Variants in MEF2A observed in about 807,000 individuals in gnomAD.
MEF2A encodes myocyte enhancer factor 2A, also known as myocyte-specific enhancer factor 2A.
MEF2A carries 28 observed loss-of-function variants against 55.8 expected under a neutral mutation model. The ratio of observed to expected loss-of-function variants is 0.50; its 90% CI spans 0.37 to 0.69. The LOEUF is 0.69. Among genes scored for constraint, MEF2A ranks in the 30% least tolerant of loss-of-function variants. MEF2A has a pLI of 0.00. For synonymous variants in MEF2A, 239 were observed against 227.1 expected (o/e 1.05, Z -0.47); for missense variants, 528 against 626.2 (o/e 0.84, Z 1.67).
chr15:99,589,437 C>G (rs1425912412), intron 1 of MEF2A, among the ~76,000 whole-genome samples: 1 of 152,046 alleles, frequency 6.6e-6, no homozygotes, highest in East Asian at 1.9e-4. Context: ...ACCAGCCTAA[C>G]TAGAAGTTCT....
intron 1 of MEF2A, among the ~76,000 whole-genome samples, chr15:99,590,095 C>T (rs1342712125): frequency 6.6e-6 from 1 of 152,076 alleles, no homozygotes; most frequent in Non-Finnish European, 1.5e-5. Flanking sequence ...GTATTTAAAT[C>T]TCCAGCTGTA....
At chr15:99,666,586 TA>T (rs1442066245) in intron 4 of MEF2A, among the ~76,000 whole-genome samples, 1 of 146,784 alleles carries the variant, frequency 6.8e-6, no homozygotes, top group African/African-American at 2.5e-5. Flanking sequence ...AGTATAATAA[TA>T]ATAATAATAA....
At chr15:99,686,804 T>A (rs924555323) in intron 7 of MEF2A, among the ~76,000 whole-genome samples, 1 of 152,230 alleles carries the variant, frequency 6.6e-6, no homozygotes, top group Admixed American at 6.5e-5. Context: ...TTTTCTCAAA[T>A]ATGTTTTCCA....
intron 4 of MEF2A, among the ~76,000 whole-genome samples, chr15:99,665,653 C>G (rs900590774): frequency 7.5e-6 from 1 of 133,084 alleles, no homozygotes; most frequent in African/African-American, 2.9e-5. Flanking sequence ...AGGCAGCCTA[C>G]AGAATGGGAG....
intron 3 of MEF2A, among the ~76,000 whole-genome samples, chr15:99,636,768 A>G (rs2043929558): frequency 6.6e-6 from 1 of 152,168 alleles, no homozygotes; most frequent in Non-Finnish European, 1.5e-5. Flanking sequence ...ATAAGGCCAT[A>G]AAGATATTCT....
chr15:99,606,103 T>C (rs1975014145), intron 2 of MEF2A, among the ~76,000 whole-genome samples: 1 of 152,146 alleles, frequency 6.6e-6, no homozygotes, highest in South Asian at 2.1e-4. Flanking sequence ...TGGAAAAGGG[T>C]TCACATGTAC....
intron 2 of MEF2A, among the ~76,000 whole-genome samples, chr15:99,615,667 A>C (rs2040064047): frequency 6.6e-6 from 1 of 152,136 alleles, no homozygotes; most frequent in African/African-American, 2.4e-5. Flanking sequence ...CATGCTGCAG[A>C]CCCTGTCCTG....
chr15:99,666,151 G>A (rs549011634), intron 4 of MEF2A, among the ~76,000 whole-genome samples: 37 of 152,074 alleles, frequency 2.4e-4, no homozygotes, highest in East Asian at 5.8e-4. Flanking sequence ...CGTTTACTGC[G>A]GCACTGTTCA....
At chr15:99,652,564 G>A (rs987365270) in intron 4 of MEF2A, among the ~76,000 whole-genome samples, 6 of 152,192 alleles carry the variant, frequency 3.9e-5, no homozygotes, top group African/African-American at 9.7e-5. Context: ...GTTAGTGTAC[G>A]AAGTTGAAAT....
At chr15:99,640,795 C>G (rs2044752261) in intron 3 of MEF2A, among the ~76,000 whole-genome samples, 1 of 152,084 alleles carries the variant, frequency 6.6e-6, no homozygotes, top group African/African-American at 2.4e-5. Context: ...GTGATCCTCC[C>G]ACCTGGCCCT....
chr15:99,702,595 T>G (rs796844548), intron 8 of MEF2A, among the ~76,000 whole-genome samples: 23 of 152,192 alleles, frequency 1.5e-4, no homozygotes, highest in African/African-American at 5.3e-4. Flanking sequence ...ACCTGGCTAA[T>G]TTTTGTAGTT....
In MEF2A at chr15:99,715,769, A is replaced by G. The variant is rs2059090761; in HGVS notation, c.*2998A>G. On this transcript the variant is annotated 3_prime_UTR_variant, in exon 12 of 12. Coordinates refer to ENST00000557942, the MANE Select transcript of MEF2A (RefSeq NM_001319206.4). ...AAGCTTAAATTGCACTGGTTAAAGTACAGTTTCCAACAGCTGTCCTTCCTC... is the reference window on the plus strand; with the variant it reads ...AAGCTTAAATTGCACTGGTTAAAGTGCAGTTTCCAACAGCTGTCCTTCCTC... 1 of 152,252 alleles carries G rather than the reference A, an allele frequency of 6.6e-6. No homozygotes were observed. The highest frequency in any genetic ancestry group is 2.1e-4 in the South Asian group (1 of 4,836). The allele number at this position is 152,252 out of a possible 1,614,324, so 9.4% of individuals were successfully genotyped here.
intron 2 of MEF2A, among the ~76,000 whole-genome samples, chr15:99,606,075 C>T (rs751891456): frequency 9.2e-5 from 14 of 152,052 alleles, no homozygotes; most frequent in Non-Finnish European, 2.1e-4. Context: ...CAAGGATAAA[C>T]AAAAGAAATT....
chr15:99,665,731 C>CAAAAAAAAAAAAAAAAAAAAAAAAAA (rs752473261), intron 4 of MEF2A, among the ~76,000 whole-genome samples: 25 of 20,236 alleles, frequency 1.2e-3, no homozygotes, highest in East Asian at 3.4e-3. Context: ...CTTAAATTTA[C>CAAAAAAAAAAAAAAAAAAAAAAAAAA]AAAAAAAAAA....
chr15:99,710,751 G>A lies in MEF2A; in HGVS notation c.1127G>A (p.Ser376Asn), dbSNP rs766002593. ...QQHHLGQAAL[S>N]SLVAGGQLSQ... ...CACCACCTAGGACAAGCAGCCCTCA[G>A]CTCTCTTGTGTGAGTAACTAGAAGT... is the stretch of plus-strand genomic sequence containing the variant. The change falls in exon 11 of 12, where the codon AGC becomes AAC. Residue 376 changes from serine (S) to asparagine (N), a missense_variant. By Grantham distance (46) the Ser-to-Asn change is conservative. Coordinates refer to ENST00000557942, the MANE Select transcript of MEF2A (RefSeq NM_001319206.4). The A allele has an allele frequency of 7.6e-5, 121 of 1,602,498 alleles. No homozygotes were observed. The highest frequency in any genetic ancestry group is 1.0e-4 in the Non-Finnish European group (121 of 1,170,236).
At chr15:99,606,823 A>G (rs377296634) in intron 2 of MEF2A, among the ~76,000 whole-genome samples, 4 of 152,170 alleles carry the variant, frequency 2.6e-5, no homozygotes, top group African/African-American at 9.7e-5. Flanking sequence ...ATTTCTTTTC[A>G]TGGGTATACA....
chr15:99,646,375 C>A (rs1223468223), intron 4 of MEF2A, among the ~76,000 whole-genome samples: 1 of 152,074 alleles, frequency 6.6e-6, no homozygotes, highest in African/African-American at 2.4e-5. Context: ...CAGTATGCTT[C>A]CCCCTTTTTA....
intron 2 of MEF2A, chr15:99,620,951 T>G (rs2153264696): frequency 6.6e-6 from 1 of 152,028 alleles, no homozygotes; most frequent in South Asian, 2.1e-4. Flanking sequence ...TTCAAGTGAT[T>G]CTCGTACCTC....
chr15:99,622,922 G>C (rs2041463056), intron 2 of MEF2A, among the ~76,000 whole-genome samples: 1 of 151,762 alleles, frequency 6.6e-6, no homozygotes, highest in Non-Finnish European at 1.5e-5. Context: ...GGATGGTCTC[G>C]ATCTCCTGAC....
Sources: gnomAD v4.1 joint callset for allele counts (sites outside exome capture counted in the v4.1 genomes callset) on GRCh38, gnomAD v4.1.1 for gene constraint, MANE v1.5 for transcripts, NCBI Gene and HGNC (gene_info 2026-07-23, HGNC 2026-07-21) for gene names.